Variants in MAML2 observed in about 807,000 individuals in gnomAD.
MAML2 encodes mastermind like transcriptional coactivator 2, also known as mastermind-like protein 2.
A neutral mutation model predicts 96.1 loss-of-function variants in MAML2; 22 were observed. The ratio of observed to expected loss-of-function variants is 0.23; its 90% CI spans 0.16 to 0.33. The LOEUF (loss-of-function observed/expected upper bound fraction) is 0.33, where lower values mean the gene tolerates loss of function less well. Among genes scored for constraint, MAML2 ranks in the 10% least tolerant of loss-of-function variants. The pLI, the probability that MAML2 is intolerant of heterozygous loss-of-function variation, is 1.00. For missense variants in MAML2, 1,367 were observed against 1,392.4 expected, an observed-to-expected ratio of 0.98 and a Z score of 0.29; for synonymous variants, 561 against 521.3, an observed-to-expected ratio of 1.08 and a Z score of -1.04.
intron 1 of MAML2, among the ~76,000 whole-genome samples, chr11:96,237,485 G>A (rs912645366): frequency 6.6e-6 from 1 of 152,146 alleles, no homozygotes; most frequent in African/African-American, 2.4e-5. Flanking sequence ...TGTTTCACAG[G>A]AGTTGATTTT....
intron 2 of MAML2, among the ~76,000 whole-genome samples, chr11:96,069,303 C>T (rs957898441): frequency 2.0e-5 from 3 of 150,424 alleles, no homozygotes; most frequent in African/African-American, 7.3e-5. Context: ...CTTTATCCTT[C>T]TTTCTTTTCT....
intron 1 of MAML2, among the ~76,000 whole-genome samples, chr11:96,174,038 C>T (rs1030683249): frequency 7.2e-5 from 11 of 152,164 alleles, no homozygotes; most frequent in Admixed American, 2.0e-4. Flanking sequence ...TCACAAAAGG[C>T]GGCAACAGAA....
At chr11:96,040,988 G>A (rs765047828) in intron 2 of MAML2, among the ~76,000 whole-genome samples, 21 of 152,154 alleles carry the variant, frequency 1.4e-4, no homozygotes, top group Non-Finnish European at 1.6e-4. Context: ...TGTAGTTGTA[G>A]ATCAGTCATT....
intron 2 of MAML2, among the ~76,000 whole-genome samples, chr11:96,034,857 C>T (rs1049969533): frequency 2.6e-5 from 4 of 152,018 alleles, no homozygotes; most frequent in African/African-American, 9.7e-5. Flanking sequence ...TCATATAGGG[C>T]CAGTTAGCTT....
At chr11:96,088,117 G>T (rs1859647545) in intron 2 of MAML2, among the ~76,000 whole-genome samples, 1 of 152,178 alleles carries the variant, frequency 6.6e-6, no homozygotes, top group Non-Finnish European at 1.5e-5. Context: ...ACCAAGGGTT[G>T]ATATGGTGTA....
chr11:96,014,205 C>T (rs918233823), intron 2 of MAML2, among the ~76,000 whole-genome samples: 1 of 152,144 alleles, frequency 6.6e-6, no homozygotes, highest in Admixed American at 6.5e-5. Flanking sequence ...TGCAATTCTC[C>T]CAGTATACTC....
At chr11:96,041,390 A>C (rs1447143831) in intron 2 of MAML2, among the ~76,000 whole-genome samples, 1 of 151,652 alleles carries the variant, frequency 6.6e-6, no homozygotes, top group Non-Finnish European at 1.5e-5. Context: ...GGTCCCAGCT[A>C]CTCAGGAGGC....
intron 2 of MAML2, among the ~76,000 whole-genome samples, chr11:96,089,051 C>T (rs1324945999): frequency 9.6e-6 from 1 of 104,242 alleles, no homozygotes; most frequent in African/African-American, 4.2e-5. Context: ...GTGAGTATGA[C>T]AAGCAGAAAA....
At chr11:96,318,727 G>GATATATCC (rs1863663387) in intron 1 of MAML2, among the ~76,000 whole-genome samples, 1 of 152,134 alleles carries the variant, frequency 6.6e-6, no homozygotes, top group Non-Finnish European at 1.5e-5. Flanking sequence ...TTTGTTCCCT[G>GATATATCC]ATATATCCTA....
chr11:96,274,877 T>C (rs1054626422), intron 1 of MAML2, among the ~76,000 whole-genome samples: 3 of 152,166 alleles, frequency 2.0e-5, no homozygotes, highest in African/African-American at 7.2e-5. Context: ...CTACTGTAAA[T>C]AGTTTGATGA....
chr11:96,320,205 CCTT>C (rs1863682278), intron 1 of MAML2, among the ~76,000 whole-genome samples: 1 of 152,192 alleles, frequency 6.6e-6, no homozygotes, highest in Non-Finnish European at 1.5e-5. Context: ...GGAATGAACT[CCTT>C]GTTATATTGA....
intron 1 of MAML2, among the ~76,000 whole-genome samples, chr11:96,217,920 G>C (rs1028057407): frequency 6.6e-6 from 1 of 152,130 alleles, no homozygotes; most frequent in African/African-American, 2.4e-5. Context: ...AGCAGATGCT[G>C]GTAATCTATG....
intron 2 of MAML2, among the ~76,000 whole-genome samples, chr11:96,040,419 G>A (rs1858789408): frequency 1.3e-5 from 2 of 152,048 alleles, no homozygotes. Flanking sequence ...CACAATATAT[G>A]ACCTTTATGT....
At chr11:96,096,265 C>T (rs775886101) in intron 1 of MAML2, among the ~76,000 whole-genome samples, 1 of 152,188 alleles carries the variant, frequency 6.6e-6, no homozygotes, top group Non-Finnish European at 1.5e-5. Context: ...ACAGCACTCA[C>T]ACTTTCTTTA....
intron 2 of MAML2, among the ~76,000 whole-genome samples, chr11:96,077,219 CTTTTTT>C (rs371672772): frequency 1.1e-5 from 1 of 94,122 alleles, no homozygotes; most frequent in Non-Finnish European, 2.0e-5. Flanking sequence ...CTCTCTCTCT[CTTTTTT>C]TTTTTTTTTT....
chr11:96,011,180 A>T (rs1286941234), intron 2 of MAML2, among the ~76,000 whole-genome samples: 1 of 152,176 alleles, frequency 6.6e-6, no homozygotes, highest in Non-Finnish European at 1.5e-5. Flanking sequence ...AGGAACTAAA[A>T]ATAGAACTAC....
chr11:95,993,581 C>A (rs1296389001), intron 2 of MAML2, among the ~76,000 whole-genome samples: 2 of 152,176 alleles, frequency 1.3e-5, no homozygotes, highest in East Asian at 1.9e-4. Flanking sequence ...AAAACAAAAA[C>A]AAACAAACAA....
chr11:96,043,504 C>T (rs759686398), intron 2 of MAML2, among the ~76,000 whole-genome samples: 13 of 152,218 alleles, frequency 8.5e-5, no homozygotes, highest in Non-Finnish European at 1.5e-4. Flanking sequence ...GAAACCTGGT[C>T]TCCCCATATA....
intron 1 of MAML2, among the ~76,000 whole-genome samples, chr11:96,182,556 T>C (rs1008242810): frequency 6.6e-5 from 10 of 152,208 alleles, no homozygotes; most frequent in African/African-American, 2.4e-4. Flanking sequence ...GCAGGTTAAA[T>C]TCAACAAACA....
Sources: allele counts gnomAD v4.1 joint callset (sites outside exome capture counted in the v4.1 genomes callset), GRCh38; gene constraint gnomAD v4.1.1; transcripts MANE v1.5; gene names NCBI Gene and HGNC (gene_info 2026-07-23, HGNC 2026-07-21).